DCUN1D4: variants seen among roughly 807,000 people sequenced by gnomAD.
DCUN1D4 encodes defective in cullin neddylation 1 domain containing 4, also known as DCN1-like protein 4.
In DCUN1D4, 22 loss-of-function variants were observed where a neutral mutation model predicts 47.9. The ratio of observed to expected loss-of-function variants is 0.46; its 90% CI spans 0.33 to 0.66. The LOEUF is 0.66. DCUN1D4 is among the 30% of genes least tolerant of loss of function. The pLI, the probability that DCUN1D4 is intolerant of heterozygous loss-of-function variation, is 0.02. For missense variants in DCUN1D4, 301 were observed against 340.8 expected, an observed-to-expected ratio of 0.88 and a Z score of 0.92; for synonymous variants, 121 against 112.2, an observed-to-expected ratio of 1.08 and a Z score of -0.50.
chr4:51,837,717 T>C, the DCUN1D4 span, among the ~76,000 whole-genome samples: 1 of 67,880 alleles, frequency 1.5e-5, no homozygotes, highest in African/African-American at 5.1e-5. Context: ...AATTTACAAA[T>C]AAATGATATT....
chr4:51,886,838 A>AT, intron 6 of DCUN1D4, 200 bp downstream of exon 6: 4 of 550,750 alleles, frequency 7.3e-6, no homozygotes, highest in Non-Finnish European at 1.3e-5. Flanking sequence ...AACTACAGTT[A>AT]TTTTTTCTCT....
chr4:51,881,492 A>C (rs746096960), intron 5 of DCUN1D4, among the ~76,000 whole-genome samples: 5 of 152,156 alleles, frequency 3.3e-5, no homozygotes, highest in Non-Finnish European at 5.9e-5. Flanking sequence ...TTATGGGGCC[A>C]TTATGAAAAG....
intron 6 of DCUN1D4, among the ~76,000 whole-genome samples, chr4:51,889,137 C>T (rs1356977705): frequency 6.6e-6 from 1 of 152,086 alleles, no homozygotes; most frequent in East Asian, 1.9e-4. Context: ...AGAATATTAT[C>T]CAAATATTTA....
intron 3 of DCUN1D4, among the ~76,000 whole-genome samples, chr4:51,869,374 G>T (rs895062091): frequency 6.6e-6 from 1 of 152,102 alleles, no homozygotes; most frequent in Non-Finnish European, 1.5e-5. Context: ...TCAATGAAAA[G>T]TGAGGTGAAA....
upstream of DCUN1D4, among the ~76,000 whole-genome samples, chr4:51,842,667 G>A (rs1721788391): frequency 6.6e-6 from 1 of 152,220 alleles, no homozygotes; most frequent in South Asian, 2.1e-4. Context: ...GCGTCGCGCC[G>A]GGCGCTAGGG....
chr4:51,840,962 T>C (rs2109762095), upstream of DCUN1D4, among the ~76,000 whole-genome samples: 1 of 152,302 alleles, frequency 6.6e-6, no homozygotes, highest in South Asian at 2.1e-4. Context: ...CTGAAAGCAA[T>C]GTTGAGAAAT....
chr4:51,874,418 G>A (rs1401582423), intron 4 of DCUN1D4, 33 bp downstream of exon 4: 1 of 1,511,680 alleles, frequency 6.6e-7, no homozygotes, highest in Admixed American at 1.8e-5. Context: ...CAGAATCAGT[G>A]ATACATATGT....
intron 1 of DCUN1D4, chr4:51,845,324 T>C: frequency 1.0e-6 from 1 of 968,930 alleles, no homozygotes; most frequent in Non-Finnish European, 1.2e-6. Context: ...TGTCTTGAAA[T>C]GAGTGATGGA....
chr4:51,878,761 C>T (rs1414984294), intron 5 of DCUN1D4, among the ~76,000 whole-genome samples: 1 of 152,148 alleles, frequency 6.6e-6, no homozygotes, highest in African/African-American at 2.4e-5. Flanking sequence ...TCTTTTAAAC[C>T]CTTAATTACC....
At chr4:51,837,654 C>CAAAAAAAAAAAAAAAAAAAAAAAAAAAA in the DCUN1D4 span, among the ~76,000 whole-genome samples, 1 of 46,180 alleles carries the variant, frequency 2.2e-5, no homozygotes, top group Non-Finnish European at 3.7e-5. Context: ...GACTCCGTCT[C>CAAAAAAAAAAAAAAAAAAAAAAAAAAAA]AAAAAAAAAA....
At chr4:51,861,023 C>A (rs1724968429) in intron 1 of DCUN1D4, among the ~76,000 whole-genome samples, 1 of 152,178 alleles carries the variant, frequency 6.6e-6, no homozygotes, top group Non-Finnish European at 1.5e-5. Flanking sequence ...GAATTGATGT[C>A]TTTTATTGAG....
At chr4:51,870,091 G>A (rs951955067) in intron 3 of DCUN1D4, among the ~76,000 whole-genome samples, 2 of 152,128 alleles carry the variant, frequency 1.3e-5, no homozygotes, top group Non-Finnish European at 2.9e-5. Context: ...TACCTCTGAT[G>A]CCAGATGTTC....
chr4:51,901,567 C>CA (rs1458011462), intron 8 of DCUN1D4, among the ~76,000 whole-genome samples: 1 of 152,206 alleles, frequency 6.6e-6, no homozygotes, highest in Non-Finnish European at 1.5e-5. Flanking sequence ...TGCATTAGCA[C>CA]AGTTGTACCC....
intron 8 of DCUN1D4, chr4:51,909,054 AT>A: frequency 2.2e-6 from 1 of 452,812 alleles, no homozygotes; most frequent in South Asian, 1.6e-5. Context: ...TGCCAAACAT[AT>A]GCATTGAAAT....
chr4:51,893,147 TGGGAAGAACAC>T (rs1164294446), intron 7 of DCUN1D4, among the ~76,000 whole-genome samples: 9 of 152,222 alleles, frequency 5.9e-5, no homozygotes, highest in Non-Finnish European at 1.3e-4. Flanking sequence ...GTGGCAGAGA[TGGGAAGAACAC>T]TTAAGACTTC....
At chr4:51,843,074 C>T (rs1008401626), upstream of DCUN1D4, 7 of 1,398,968 alleles carry the variant, frequency 5.0e-6, no homozygotes, top group African/African-American at 4.5e-5. Context: ...AGAGACGCAG[C>T]AGGGCGGCCC....
At chr4:51,899,949 A>G (rs1731846241) in intron 8 of DCUN1D4, among the ~76,000 whole-genome samples, 1 of 152,220 alleles carries the variant, frequency 6.6e-6, no homozygotes, top group Non-Finnish European at 1.5e-5. Context: ...TGAAATAAAA[A>G]TCTTACTTTT....
intron 6 of DCUN1D4, chr4:51,886,894 C>T: frequency 2.2e-6 from 1 of 456,084 alleles, no homozygotes; most frequent in South Asian, 2.1e-5. Context: ...CAGATGCTTA[C>T]AAAATGGTGT....
chr4:51,885,907 A>G (rs1003925274), intron 5 of DCUN1D4, among the ~76,000 whole-genome samples: 1 of 152,222 alleles, frequency 6.6e-6, no homozygotes, highest in African/African-American at 2.4e-5. Flanking sequence ...GTCAGATAAA[A>G]CAAAGACTGA....
Sources: gnomAD v4.1 joint callset for allele counts (sites outside exome capture counted in the v4.1 genomes callset) on GRCh38, gnomAD v4.1.1 for gene constraint, MANE v1.5 for transcripts, NCBI Gene and HGNC (gene_info 2026-07-23, HGNC 2026-07-21) for gene names.